The following TNFAIP8L3 variants were observed in gnomAD, a reference collection of about 807,000 sequenced individuals.
TNFAIP8L3 encodes the protein tumor necrosis factor alpha-induced protein 8-like protein 3.
TNFAIP8L3 carries 7 observed loss-of-function variants against 11.8 expected under a neutral mutation model. That is an observed-to-expected ratio of 0.59 (90% CI 0.34 to 1.11). TNFAIP8L3 has a LOEUF of 1.11. Ranked by LOEUF, TNFAIP8L3 falls within the 50% of genes most tolerant of loss-of-function variation. TNFAIP8L3 has a pLI of 0.03. For missense variants in TNFAIP8L3, 219 were observed against 258.6 expected (o/e 0.85, Z 1.05); for synonymous variants, 98 against 103.8 (o/e 0.94, Z 0.34).
At chr15:51,079,116 C>T (rs2065374766) in intron 1 of TNFAIP8L3, among the ~76,000 whole-genome samples, 2 of 152,244 alleles carry the variant, frequency 1.3e-5, no homozygotes, top group South Asian at 4.1e-4. Flanking sequence ...TCTTCACCCT[C>T]TACAAACCCT....
upstream of TNFAIP8L3, among the ~76,000 whole-genome samples, chr15:51,096,662 C>T (rs931161787): frequency 2.0e-5 from 3 of 152,054 alleles, no homozygotes; most frequent in African/African-American, 4.8e-5. Context: ...GAAACTGAGG[C>T]GGGTGGATCA....
chr15:51,102,582 A>G (rs2065562388), intron 1 of TNFAIP8L3, among the ~76,000 whole-genome samples: 1 of 152,222 alleles, frequency 6.6e-6, no homozygotes, highest in Non-Finnish European at 1.5e-5. Context: ...AGAAGGGGGA[A>G]GAAATGTTCA....
At chr15:51,091,691 C>CAT (rs2065471668) in intron 1 of TNFAIP8L3, among the ~76,000 whole-genome samples, 1 of 151,246 alleles carries the variant, frequency 6.6e-6, no homozygotes, top group African/African-American at 2.4e-5. Context: ...CACACACACA[C>CAT]ACACACACAC....
intron 1 of TNFAIP8L3, among the ~76,000 whole-genome samples, chr15:51,068,753 G>A (rs62018194): frequency 7.5e-4 from 104 of 139,290 alleles, no homozygotes; most frequent in Middle Eastern, 8.2e-3. Flanking sequence ...TGCAACCTCC[G>A]CCTCCCGGGT....
Position 51,057,778 on chromosome 15 carries a change from G to A in TNFAIP8L3, c.*103C>T. On this transcript the variant is annotated 3_prime_UTR_variant, in exon 2 of 2. Transcript: ENST00000637513. ...AGAGGGATGAACAGGAAAGAACATG[G>A]ACATCTTTGACAAGGGTTTCTGCTT... 2 of 990,938 alleles carry A rather than the reference G, an allele frequency of 2.0e-6. No individual in the cohort carries two copies. Among genetic ancestry groups the A allele is most frequent in the Non-Finnish European group, 3.0e-6 (2 of 671,676 alleles). 61.4% of individuals were successfully genotyped at this position (990,938 alleles called of 1,614,324 possible).
chr15:51,089,639 A>T (rs2065453081), intron 1 of TNFAIP8L3, among the ~76,000 whole-genome samples: 2 of 152,202 alleles, frequency 1.3e-5, no homozygotes, highest in Non-Finnish European at 2.9e-5. Context: ...CAAAACACTG[A>T]GGGAAAGCCT....
At chr15:51,066,074 A>G (rs552162237) in intron 1 of TNFAIP8L3, among the ~76,000 whole-genome samples, 18 of 133,534 alleles carry the variant, frequency 1.3e-4, no homozygotes, top group Middle Eastern at 3.6e-3. Flanking sequence ...TGTTAGGGGG[A>G]AAAAAAAAAA....
chr15:51,103,925 A>AG (rs35594767), intron 1 of TNFAIP8L3, among the ~76,000 whole-genome samples: 125,795 of 152,112 alleles, frequency 0.83, 52,285 homozygotes, highest in East Asian at 0.98. Flanking sequence ...AAGAGGAATG[A>AG]GAGTTACTGG....
chr15:51,099,934 C>T (rs911236306), intron 1 of TNFAIP8L3, among the ~76,000 whole-genome samples: 8 of 152,062 alleles, frequency 5.3e-5, no homozygotes, highest in East Asian at 3.9e-4. Flanking sequence ...GAGTTGATTC[C>T]GGAAATAACC....
chr15:51,064,882 G>C (rs191108652), intron 1 of TNFAIP8L3: 66 of 152,312 alleles, frequency 4.3e-4, no homozygotes, highest in African/African-American at 1.5e-3. Flanking sequence ...GGGATATTTG[G>C]GAAACAGGCC....
At chr15:51,088,330 T>C (rs2065444254) in intron 1 of TNFAIP8L3, among the ~76,000 whole-genome samples, 1 of 152,200 alleles carries the variant, frequency 6.6e-6, no homozygotes, top group Non-Finnish European at 1.5e-5. Context: ...TTTCCATGTA[T>C]ATATTCATAT....
At chr15:51,083,416 T>C (rs2140976416) in intron 1 of TNFAIP8L3, among the ~76,000 whole-genome samples, 1 of 152,158 alleles carries the variant, frequency 6.6e-6, no homozygotes, top group East Asian at 1.9e-4. Context: ...AACACAAAAT[T>C]AGTATAGGTA....
chr15:51,102,926 A>C (rs1476151027), intron 1 of TNFAIP8L3, among the ~76,000 whole-genome samples: 1 of 152,188 alleles, frequency 6.6e-6, no homozygotes, highest in African/African-American at 2.4e-5. Flanking sequence ...TGGAATTAAC[A>C]AAAGCAGGAC....
chr15:51,058,625 A>G (rs569938896), intron 1 of TNFAIP8L3, among the ~76,000 whole-genome samples, 182 bp from the exon 2 acceptor site: 2 of 152,102 alleles, frequency 1.3e-5, no homozygotes, highest in African/African-American at 4.8e-5. Context: ...TCTCCACATG[A>G]TATGCTTTGT....
intron 1 of TNFAIP8L3, among the ~76,000 whole-genome samples, chr15:51,066,164 CTTTT>C (rs66617524): frequency 5.6e-5 from 7 of 125,124 alleles, no homozygotes; most frequent in Non-Finnish European, 8.6e-5. Flanking sequence ...ACTTTCTTTC[CTTTT>C]TTTTTTTTTT....
At chr15:51,062,645 G>A (rs1449056016) in intron 1 of TNFAIP8L3, among the ~76,000 whole-genome samples, 2 of 152,162 alleles carry the variant, frequency 1.3e-5, no homozygotes, top group Non-Finnish European at 2.9e-5. Context: ...GAAATATTAA[G>A]TGTTCCTTGG....
intron 1 of TNFAIP8L3, among the ~76,000 whole-genome samples, chr15:51,093,588 C>T (rs1195501042): frequency 6.6e-6 from 1 of 152,128 alleles, no homozygotes; most frequent in Non-Finnish European, 1.5e-5. Context: ...TAGCCAGGGC[C>T]GCGGTCTGTA....
intron 1 of TNFAIP8L3, among the ~76,000 whole-genome samples, chr15:51,102,952 T>G (rs556858760): frequency 1.3e-5 from 2 of 152,316 alleles, no homozygotes; most frequent in South Asian, 4.1e-4. Context: ...CAATGCCTCT[T>G]TTCAATTTCT....
At chr15:51,076,749 GCCCCTGCCAC>G (rs2065353244) in intron 1 of TNFAIP8L3, among the ~76,000 whole-genome samples, 2 of 151,996 alleles carry the variant, frequency 1.3e-5, no homozygotes, top group Non-Finnish European at 2.9e-5. Flanking sequence ...GCCCTGCCCT[GCCCCTGCCAC>G]CCCCAGCGCA....
Sources: gnomAD v4.1 joint callset for allele counts (sites outside exome capture counted in the v4.1 genomes callset) on GRCh38, gnomAD v4.1.1 for gene constraint, MANE v1.5 for transcripts, NCBI Gene and HGNC (gene_info 2026-07-23, HGNC 2026-07-21) for gene names.